The following SUMF1 variants were observed in gnomAD, a reference collection of about 807,000 sequenced individuals.
SUMF1 encodes the protein sulfatase modifying factor 1.
A neutral mutation model predicts 47.6 loss-of-function variants in SUMF1; 48 were observed. That is an observed-to-expected ratio of 1.01 (90% CI 0.80 to 1.28). The LOEUF (loss-of-function observed/expected upper bound fraction) is 1.28, where lower values mean the gene tolerates loss of function less well. Among genes scored for constraint, SUMF1 ranks in the 50% most tolerant of loss-of-function variants. SUMF1 has a pLI of 0.00. For missense variants in SUMF1, 571 were observed against 485.4 expected (o/e 1.18, Z -1.66); for synonymous variants, 230 against 192.1 (o/e 1.20, Z -1.63).
At chr3:4,343,506 G>A (rs1460642963) in intron 8 of SUMF1, among the ~76,000 whole-genome samples, 2 of 152,204 alleles carry the variant, frequency 1.3e-5, no homozygotes, top group African/African-American at 2.4e-5. Context: ...CCCCAGGGTT[G>A]TATTTCAGCC....
At position 4,272,420 on chromosome 3, in the gene SUMF1, C is replaced by T. The variant is rs563215270; in HGVS notation, c.1014+103910G>A. ...AGAAGACTAGGCCTTCACATCCTCACATCAACCAGCCGTTGGATACAGGCT... is the reference window on the plus strand; with the variant it reads ...AGAAGACTAGGCCTTCACATCCTCATATCAACCAGCCGTTGGATACAGGCT... On this transcript the variant is annotated intron_variant and NMD_transcript_variant, in intron 8 of 12. Transcript: ENST00000448413. 1.1e-4 allele frequency among the ~76,000 whole-genome samples: 16 copies of T among 152,322 alleles called. No individual in the cohort carries two copies. In the South Asian group the frequency reaches 3.3e-3, roughly 32 times the overall value.
intron 8 of SUMF1, among the ~76,000 whole-genome samples, chr3:4,176,441 C>T (rs1175593898): frequency 2.2e-4 from 33 of 152,118 alleles, no homozygotes; most frequent in Admixed American, 2.2e-3. Context: ...CTATACTAAG[C>T]TTCATAATTG....
At chr3:4,180,338 T>C (rs1165872284) in intron 8 of SUMF1, among the ~76,000 whole-genome samples, 1 of 152,080 alleles carries the variant, frequency 6.6e-6, no homozygotes, top group Non-Finnish European at 1.5e-5. Context: ...ATGTGGCACA[T>C]ATACACCATG....
At chr3:4,258,587 G>A (rs1157069572) in intron 8 of SUMF1, among the ~76,000 whole-genome samples, 1 of 152,100 alleles carries the variant, frequency 6.6e-6, no homozygotes, top group African/African-American at 2.4e-5. Flanking sequence ...CAGTTAGAAT[G>A]GCAATCACTA....
chr3:4,431,192 T>G (rs149388492), intron 3 of SUMF1, among the ~76,000 whole-genome samples: 1 of 152,148 alleles, frequency 6.6e-6, no homozygotes, highest in Admixed American at 6.5e-5. Flanking sequence ...CACCTCCAAG[T>G]GGAAGACAGT....
chr3:4,430,145 C>T (rs573582280), intron 3 of SUMF1, among the ~76,000 whole-genome samples: 3 of 152,300 alleles, frequency 2.0e-5, no homozygotes, highest in African/African-American at 7.2e-5. Flanking sequence ...TCAAGCACTT[C>T]CCAACAGCTG....
intron 8 of SUMF1, among the ~76,000 whole-genome samples, chr3:4,156,510 A>T (rs1158339778): frequency 6.6e-6 from 1 of 151,822 alleles, no homozygotes; most frequent in Middle Eastern, 3.4e-3. Flanking sequence ...ACAGAAAGGC[A>T]TCTATCAATA....
intron 8 of SUMF1, among the ~76,000 whole-genome samples, chr3:4,128,520 T>G (rs1463832855): frequency 6.6e-6 from 1 of 152,074 alleles, no homozygotes; most frequent in African/African-American, 2.4e-5. Context: ...AGTGTTGGCC[T>G]CCCCTGAGGC....
intron 8 of SUMF1, among the ~76,000 whole-genome samples, chr3:4,353,998 GA>G (rs1266833571): frequency 6.6e-6 from 1 of 152,062 alleles, no homozygotes; most frequent in Admixed American, 6.5e-5. Context: ...AGGACTATAG[GA>G]CTATGCTACC....
At chr3:4,379,634 G>A (rs995052023) in intron 7 of SUMF1, among the ~76,000 whole-genome samples, 1 of 151,338 alleles carries the variant, frequency 6.6e-6, no homozygotes, top group Non-Finnish European at 1.5e-5. Flanking sequence ...TCAAGGTCAA[G>A]AGATGGAGCC....
chr3:4,446,425 T>A (rs1702782909), intron 3 of SUMF1, among the ~76,000 whole-genome samples: 2 of 152,250 alleles, frequency 1.3e-5, no homozygotes, highest in Admixed American at 6.5e-5. Context: ...TCTCCAGTCA[T>A]GTGGAACTGT....
chr3:4,148,847 G>A (rs1694253846), intron 8 of SUMF1, among the ~76,000 whole-genome samples: 1 of 152,046 alleles, frequency 6.6e-6, no homozygotes, highest in Non-Finnish European at 1.5e-5. Context: ...CATTTGGAAG[G>A]ACCTTTACAC....
intron 8 of SUMF1, among the ~76,000 whole-genome samples, chr3:4,146,064 C>T (rs1340875035): frequency 6.6e-6 from 1 of 152,110 alleles, no homozygotes; most frequent in Non-Finnish European, 1.5e-5. Context: ...AGTACTTGAC[C>T]TTCACAGATC....
chr3:4,173,049 C>A (rs1470497371), intron 8 of SUMF1, among the ~76,000 whole-genome samples: 1 of 152,070 alleles, frequency 6.6e-6, no homozygotes, highest in Non-Finnish European at 1.5e-5. Context: ...AGGAAGGGGT[C>A]CAGTTTCAGT....
intron 8 of SUMF1, among the ~76,000 whole-genome samples, chr3:4,339,938 G>T (rs558121452): frequency 6.6e-6 from 1 of 152,100 alleles, no homozygotes; most frequent in Non-Finnish European, 1.5e-5. Context: ...TTAACCGGGT[G>T]TGGTTACACA....
At chr3:4,040,779 C>T (rs1328379136) in intron 9 of SUMF1, among the ~76,000 whole-genome samples, 1 of 152,120 alleles carries the variant, frequency 6.6e-6, no homozygotes, top group African/African-American at 2.4e-5. Context: ...TTGTGTATTA[C>T]TAGATGCAGA....
chr3:4,208,469 C>CAAAAA (rs775554036), intron 8 of SUMF1, among the ~76,000 whole-genome samples: 2 of 132,730 alleles, frequency 1.5e-5, no homozygotes, highest in Non-Finnish European at 1.6e-5. Context: ...TTCTAGAAGG[C>CAAAAA]AAAAAAAAAA....
intron 3 of SUMF1, among the ~76,000 whole-genome samples, chr3:4,438,654 A>C (rs897076858): frequency 2.6e-5 from 4 of 152,120 alleles, no homozygotes; most frequent in Non-Finnish European, 4.4e-5. Context: ...AATATATATA[A>C]AGCAAAACTT....
intron 8 of SUMF1, among the ~76,000 whole-genome samples, chr3:4,245,979 T>A (rs1424051227): frequency 6.6e-6 from 1 of 152,180 alleles, no homozygotes; most frequent in Non-Finnish European, 1.5e-5. Flanking sequence ...GATGCCCCTT[T>A]CCCTGCCAAG....
Sources: gnomAD v4.1 joint callset for allele counts (sites outside exome capture counted in the v4.1 genomes callset) on GRCh38, gnomAD v4.1.1 for gene constraint, MANE v1.5 for transcripts, NCBI Gene and HGNC (gene_info 2026-07-23, HGNC 2026-07-21) for gene names.